Variants in ARIH1 observed in about 807,000 individuals in gnomAD.
The protein encoded by ARIH1 is ariadne RBR E3 ubiquitin protein ligase 1, also known as E3 ubiquitin-protein ligase ARIH1.
In ARIH1, 8 loss-of-function variants were observed where a neutral mutation model predicts 85.0. The observed-to-expected ratio is 0.09, with a 90% CI of 0.06 to 0.17. The LOEUF (loss-of-function observed/expected upper bound fraction) is 0.17. Ranked by LOEUF, ARIH1 falls within the 10% of genes least tolerant of loss-of-function variation. The pLI, the probability that ARIH1 is intolerant of heterozygous loss-of-function variation, is 1.00. For missense variants in ARIH1, 311 were observed against 718.1 expected (o/e 0.43, Z 6.48); for synonymous variants, 238 against 253.6 (o/e 0.94, Z 0.59).
rs1374463251 is a variant in ARIH1 at position 72,593,791 on chromosome 15, T to C, written c.*10499T>C. The C allele has an allele frequency of 1.3e-5, 2 of 152,206 alleles. No homozygotes were observed. The highest frequency in any genetic ancestry group is 2.4e-5 in the African/African-American group (1 of 41,454). The allele number at this position is 152,206 out of a possible 1,614,324, so 9.4% of individuals were successfully genotyped here. ...ATCGCTTTGGTTATTGTCGATTCTT[T>C]GGATTGTCATAAAAGTTTTACAATT... On this transcript the variant is annotated 3_prime_UTR_variant, in exon 14 of 14. Transcript: ENST00000379887.
chr15:72,553,622 G>T (rs2064162108), intron 3 of ARIH1, among the ~76,000 whole-genome samples: 1 of 152,010 alleles, frequency 6.6e-6, no homozygotes, highest in African/African-American at 2.4e-5. Flanking sequence ...CATTTCATAT[G>T]AAAGAATCAA....
At chr15:72,552,334 C>G (rs2064156175) in intron 3 of ARIH1, among the ~76,000 whole-genome samples, 1 of 152,206 alleles carries the variant, frequency 6.6e-6, no homozygotes, top group Non-Finnish European at 1.5e-5. Context: ...TGTCATCAGG[C>G]TGGAGTGCAA....
intron 3 of ARIH1, among the ~76,000 whole-genome samples, chr15:72,548,681 T>C (rs1365263822): frequency 6.6e-6 from 1 of 152,224 alleles, no homozygotes; most frequent in African/African-American, 2.4e-5. Context: ...ACCTCTTCAG[T>C]TTTGGAAGTA....
chr15:72,489,382 G>A (rs1197732809), intron 1 of ARIH1, among the ~76,000 whole-genome samples: 1 of 152,004 alleles, frequency 6.6e-6, no homozygotes, highest in Non-Finnish European at 1.5e-5. Context: ...TGGCATTTGT[G>A]CTGATGTTGC....
At position 72,598,725 on chromosome 15, in the gene ARIH1, A is replaced by T. The variant is rs1467575513; in HGVS notation, c.*15433A>T. ...CAAGACTCCCTCTCAAAAAAAAAAA[A>T]AAAAATTTTTTTTTAAACACGTCTC... On this transcript the variant is annotated 3_prime_UTR_variant, in exon 14 of 14. Transcript: ENST00000379887. 6.6e-6 allele frequency: 1 copy of T among 151,408 alleles called. No homozygotes were observed. Among genetic ancestry groups the T allele is most frequent in the East Asian group, 1.9e-4 (1 of 5,142 alleles). The allele number at this position is 151,408 out of a possible 1,614,324, so 9.4% of individuals were successfully genotyped here.
chr15:72,526,121 G>A (rs2064026982), intron 2 of ARIH1, among the ~76,000 whole-genome samples: 1 of 152,222 alleles, frequency 6.6e-6, no homozygotes, highest in African/African-American at 2.4e-5. Context: ...AACACTGAAT[G>A]TATTAAAGTG....
chr15:72,580,509 A>T, intron 11 of ARIH1: 1 of 514,078 alleles, frequency 1.9e-6, no homozygotes, highest in Non-Finnish European at 3.4e-6. Context: ...ACCTCCCCAT[A>T]CCATTTTCCA....
At chr15:72,482,965 T>C (rs1023728030) in intron 1 of ARIH1, among the ~76,000 whole-genome samples, 3 of 151,940 alleles carry the variant, frequency 2.0e-5, no homozygotes, top group African/African-American at 7.2e-5. Flanking sequence ...CTCAGCCTCC[T>C]GAGTAGTTGG....
At chr15:72,509,068 G>C (rs1297521092) in intron 1 of ARIH1, among the ~76,000 whole-genome samples, 1 of 148,868 alleles carries the variant, frequency 6.7e-6, no homozygotes, top group African/African-American at 2.5e-5. Context: ...TCAGCTCACT[G>C]CAACCTCCGC....
chr15:72,578,374 G>A (rs1054457580), intron 11 of ARIH1, among the ~76,000 whole-genome samples: 3 of 152,074 alleles, frequency 2.0e-5, no homozygotes, highest in African/African-American at 7.2e-5. Context: ...GGTTCTCTTC[G>A]ATAGCATTGA....
intron 1 of ARIH1, among the ~76,000 whole-genome samples, chr15:72,486,666 T>C (rs1303820754): frequency 1.4e-5 from 2 of 143,860 alleles, no homozygotes; most frequent in Non-Finnish European, 3.1e-5. Context: ...AGAGCCCTAC[T>C]TTTTTTTTTT....
Position 72,597,185 on chromosome 15 carries a change from C to T in ARIH1, c.*13893C>T, listed in dbSNP as rs557752038. ...TGCCCTTTGTTTTTTTTTCAGGCCACTTGAATGGTGGCTCAATCTGATGTA... is the reference window on the plus strand; with the variant it reads ...TGCCCTTTGTTTTTTTTTCAGGCCATTTGAATGGTGGCTCAATCTGATGTA... On this transcript the variant is annotated 3_prime_UTR_variant, in exon 14 of 14. Transcript: ENST00000379887. 1.6e-4 allele frequency: 24 copies of T among 148,204 alleles called. No homozygotes were observed. The highest frequency in any genetic ancestry group is 4.0e-4 in the Admixed American group (6 of 14,822). 9.2% of individuals were successfully genotyped at this position (148,204 alleles called of 1,614,324 possible). A position where few individuals can be genotyped will look rare whatever the true frequency, so the allele number is the denominator to read the frequency against.
intron 1 of ARIH1, among the ~76,000 whole-genome samples, chr15:72,502,745 G>T (rs1344570269): frequency 6.6e-6 from 1 of 152,136 alleles, no homozygotes; most frequent in Non-Finnish European, 1.5e-5. Context: ...GGCAGAAGTT[G>T]CAGTGAGCCA....
At chr15:72,566,427 G>A (rs915238820) in intron 7 of ARIH1, 136 bp from the exon 8 acceptor site, 1 of 740,852 alleles carries the variant, frequency 1.3e-6, no homozygotes, top group Non-Finnish European at 2.4e-6. Context: ...GCAGACATGG[G>A]TTCTCTCCTT....
intron 3 of ARIH1, among the ~76,000 whole-genome samples, chr15:72,553,129 T>G (rs1024152508): frequency 1.3e-5 from 2 of 152,138 alleles, no homozygotes; most frequent in South Asian, 4.1e-4. Context: ...AAAGTAATTG[T>G]TTTTAGTAAT....
At chr15:72,565,017 G>T (rs980741534) in intron 7 of ARIH1, among the ~76,000 whole-genome samples, 3 of 152,144 alleles carry the variant, frequency 2.0e-5, no homozygotes, top group African/African-American at 7.2e-5. Flanking sequence ...GTCTTGAGGA[G>T]TAAGAAGCCA....
At chr15:72,550,608 G>A (rs1433609816) in intron 3 of ARIH1, among the ~76,000 whole-genome samples, 2 of 152,040 alleles carry the variant, frequency 1.3e-5, no homozygotes, top group Non-Finnish European at 2.9e-5. Context: ...TTCCCTTTAA[G>A]CTTGATATTT....
rs368012311 is a variant in ARIH1 at position 72,484,659 on chromosome 15, A to G, written c.375+9645A>G. ...TATATATATATATGTGTATATATAT[A>G]TGTGTGTGTATACATATATATACGT... On this transcript the variant is annotated intron_variant, in intron 1 of 13. Transcript: ENST00000379887. Among the ~76,000 whole-genome samples the G allele has an allele frequency of 6.9e-4, 105 of 151,376 alleles. 1 individual carries two copies. In the Middle Eastern group the frequency reaches 0.032, roughly 46 times the overall value.
chr15:72,491,875 G>C (rs573056197), intron 1 of ARIH1, among the ~76,000 whole-genome samples: 9 of 152,296 alleles, frequency 5.9e-5, no homozygotes, highest in Admixed American at 2.6e-4. Flanking sequence ...ACAAACGTGT[G>C]AATGTTATTG....
Sources: gnomAD v4.1 joint callset for allele counts (sites outside exome capture counted in the v4.1 genomes callset) on GRCh38, gnomAD v4.1.1 for gene constraint, MANE v1.5 for transcripts, NCBI Gene and HGNC (gene_info 2026-07-23, HGNC 2026-07-21) for gene names.